The following METTL15 variants were observed in gnomAD, a reference collection of about 807,000 sequenced individuals.
METTL15 encodes the protein 12S rRNA N(4)-cytidine methyltransferase METTL15.
A neutral mutation model predicts 38.3 loss-of-function variants in METTL15; 34 were observed. The observed-to-expected ratio is 0.89, with a 90% CI of 0.68 to 1.18. The LOEUF is 1.18. Ranked by LOEUF, METTL15 falls within the 50% of genes most tolerant of loss-of-function variation. METTL15 has a pLI of 0.00. For missense variants in METTL15, 438 were observed against 498.4 expected (o/e 0.88, Z 1.15); for synonymous variants, 162 against 170.9 (o/e 0.95, Z 0.41).
At chr11:28,321,576 C>T (rs1355669881) in intron 6 of METTL15, among the ~76,000 whole-genome samples, 1 of 152,036 alleles carries the variant, frequency 6.6e-6, no homozygotes, top group African/African-American at 2.4e-5. Context: ...GGATGCATTG[C>T]TTCAACATTA....
intron 5 of METTL15, among the ~76,000 whole-genome samples, chr11:28,294,017 C>T (rs1206579157): frequency 6.6e-6 from 1 of 152,180 alleles, no homozygotes; most frequent in Non-Finnish European, 1.5e-5. Flanking sequence ...GACAATTTGA[C>T]TTCCTCTTTT....
chr11:28,214,446 T>C (rs990964509), intron 4 of METTL15, among the ~76,000 whole-genome samples: 1 of 152,220 alleles, frequency 6.6e-6, no homozygotes, highest in Non-Finnish European at 1.5e-5. Context: ...TTACCTGTTA[T>C]TTAATTAAAA....
intron 3 of METTL15, among the ~76,000 whole-genome samples, chr11:28,173,280 G>A (rs549018271): frequency 6.6e-6 from 1 of 152,200 alleles, no homozygotes; most frequent in African/African-American, 2.4e-5. Context: ...GAGGTGATTA[G>A]GGCATGAGGG....
chr11:28,258,023 T>TC (rs1244848073), intron 4 of METTL15, among the ~76,000 whole-genome samples: 1 of 152,210 alleles, frequency 6.6e-6, no homozygotes, highest in Non-Finnish European at 1.5e-5. Context: ...TACCCATCTT[T>TC]CTTGGGAAGG....
intron 6 of METTL15, among the ~76,000 whole-genome samples, chr11:28,513,261 A>C (rs1403684800): frequency 6.6e-6 from 1 of 152,102 alleles, no homozygotes; most frequent in Non-Finnish European, 1.5e-5. Context: ...TAACTGGTTT[A>C]TTTTTTAGGC....
At chr11:28,150,303 CTGT>C (rs1434415946) in intron 3 of METTL15, among the ~76,000 whole-genome samples, 1 of 151,658 alleles carries the variant, frequency 6.6e-6, no homozygotes, top group African/African-American at 2.4e-5. Context: ...TTTCTCTTTT[CTGT>C]TGCCTATTTT....
intron 3 of METTL15, chr11:28,123,762 C>A: frequency 1.4e-6 from 1 of 699,396 alleles, no homozygotes; most frequent in South Asian, 3.0e-5. Flanking sequence ...TATCTTTGTC[C>A]TATTTGGCCT....
chr11:28,265,572 A>G (rs765718794), intron 4 of METTL15, among the ~76,000 whole-genome samples: 15 of 152,082 alleles, frequency 9.9e-5, no homozygotes, highest in African/African-American at 1.4e-4. Context: ...AATAAATATT[A>G]AAACATACTT....
intron 5 of METTL15, among the ~76,000 whole-genome samples, chr11:28,419,569 G>C (rs1040530450): frequency 6.6e-6 from 1 of 152,134 alleles, no homozygotes; most frequent in African/African-American, 2.4e-5. Context: ...AGACTGTGAA[G>C]ACTACCATAA....
chr11:28,159,817 T>A (rs907264360), intron 3 of METTL15, among the ~76,000 whole-genome samples: 1 of 152,300 alleles, frequency 6.6e-6, no homozygotes, highest in African/African-American at 2.4e-5. Flanking sequence ...ATGACCTTAT[T>A]GTCTTTTTTT....
intron 5 of METTL15, among the ~76,000 whole-genome samples, chr11:28,408,726 G>T (rs533841418): frequency 6.6e-6 from 1 of 152,058 alleles, no homozygotes; most frequent in South Asian, 2.1e-4. Context: ...TATTGAGAGC[G>T]TCATTTCAAT....
rs1028865261 is a variant in METTL15 at position 28,446,408 on chromosome 11, C to A, written c.*424+22044C>A. Among the ~76,000 whole-genome samples, 3 of 152,124 alleles carry A rather than the reference C, an allele frequency of 2.0e-5. No individual in the cohort carries two copies. In the South Asian group the frequency reaches 6.2e-4, roughly 32 times the overall value. ...TTTCTCTGTTGATCACTAACTTCCTCAAGGAGCAGATCTTACAAGTTTTTC... is the reference window on the plus strand; with the variant it reads ...TTTCTCTGTTGATCACTAACTTCCTAAAGGAGCAGATCTTACAAGTTTTTC... On this transcript the variant is annotated intron_variant and NMD_transcript_variant, in intron 6 of 7. Transcript: ENST00000532947.
chr11:28,524,417 G>A (rs970917110), intron 6 of METTL15, among the ~76,000 whole-genome samples: 3 of 152,128 alleles, frequency 2.0e-5, no homozygotes, highest in Non-Finnish European at 2.9e-5. Flanking sequence ...ACCTAAATTG[G>A]GCTTGATAAT....
At chr11:28,218,740 C>T (rs1247596971) in intron 4 of METTL15, among the ~76,000 whole-genome samples, 1 of 152,052 alleles carries the variant, frequency 6.6e-6, no homozygotes, top group Non-Finnish European at 1.5e-5. Context: ...CCCATCAATA[C>T]CTAATTTATT....
chr11:28,485,258 GAA>G (rs2133476658), intron 6 of METTL15, among the ~76,000 whole-genome samples: 1 of 137,472 alleles, frequency 7.3e-6, no homozygotes, highest in South Asian at 2.3e-4. Flanking sequence ...GAAAAGAAAA[GAA>G]AAATAGCTTA....
At chr11:28,250,728 G>C (rs989338295) in intron 4 of METTL15, among the ~76,000 whole-genome samples, 1 of 151,888 alleles carries the variant, frequency 6.6e-6, no homozygotes, top group Admixed American at 6.6e-5. Context: ...GGTTCTCTTT[G>C]TCCAGAAAAT....
chr11:28,363,867 A>G (rs1850162824), intron 5 of METTL15, among the ~76,000 whole-genome samples: 1 of 152,120 alleles, frequency 6.6e-6, no homozygotes, highest in Non-Finnish European at 1.5e-5. Flanking sequence ...ATACAGTGAG[A>G]GGTAGGAGTC....
chr11:28,433,600 T>A (rs1850955850), intron 6 of METTL15, among the ~76,000 whole-genome samples: 2 of 152,236 alleles, frequency 1.3e-5, no homozygotes, highest in Admixed American at 1.3e-4. Flanking sequence ...AATAAGAATA[T>A]ACGGTCAATG....
chr11:28,486,706 C>T (rs1422594287), intron 6 of METTL15, among the ~76,000 whole-genome samples: 2 of 152,208 alleles, frequency 1.3e-5, no homozygotes, highest in African/African-American at 4.8e-5. Context: ...AGGACTTTTA[C>T]CTCCTCAACT....
Sources: gnomAD v4.1 joint callset for allele counts (sites outside exome capture counted in the v4.1 genomes callset) on GRCh38, gnomAD v4.1.1 for gene constraint, MANE v1.5 for transcripts, NCBI Gene and HGNC (gene_info 2026-07-23, HGNC 2026-07-21) for gene names.